GRIP1: variants seen among roughly 807,000 people sequenced by gnomAD.
GRIP1 encodes the protein glutamate receptor-interacting protein 1.
GRIP1 carries 45 observed loss-of-function variants against 129.9 expected under a neutral mutation model. The ratio of observed to expected loss-of-function variants is 0.35; its 90% CI spans 0.27 to 0.44. The LOEUF is 0.44. GRIP1 is among the 20% of genes least tolerant of loss of function. GRIP1 has a pLI of 1.00. For synonymous variants in GRIP1, 530 were observed against 520.8 expected, an observed-to-expected ratio of 1.02 and a Z score of -0.24; for missense variants, 1,196 against 1,396.8, an observed-to-expected ratio of 0.86 and a Z score of 2.29.
intron 1 of GRIP1, among the ~76,000 whole-genome samples, chr12:66,795,538 T>C (rs1340168730): frequency 2.0e-5 from 3 of 152,188 alleles, no homozygotes; most frequent in Non-Finnish European, 4.4e-5. Context: ...AAAACAGGAA[T>C]TTCATCTTAC....
rs1022425910 is a variant in GRIP1, at chr12:66,348,295, T to G, written c.*724A>C. 6.6e-6 allele frequency: 1 copy of G among 152,078 alleles called. No individual in the cohort carries two copies. The highest frequency in any genetic ancestry group is 2.1e-4 in the South Asian group (1 of 4,824). The allele number at this position is 152,078 out of a possible 1,614,324, so 9.4% of individuals were successfully genotyped here. A position where few individuals can be genotyped will look rare whatever the true frequency, so the allele number is the denominator to read the frequency against. ...ACTAATTCTCATGTTTACTACACAC[T>G]CTAATTCATTATCAGAGATTTTCAG... On this transcript the variant is annotated 3_prime_UTR_variant, in exon 25 of 25. Coordinates refer to ENST00000359742, the MANE Select transcript of GRIP1 (RefSeq NM_001366722.1).
chr12:66,678,861 C>A lies in GRIP1; in HGVS notation c.44G>T (p.Arg15Leu). Residue 15 changes from arginine to leucine, a missense_variant, in exon 1 of 25, where the codon CGA (arginine) becomes CTA (leucine). Physicochemically the swap from Arg to Leu is moderately radical, Grantham distance 102. Around this residue, in one of 5 missense-constraint regions of GRIP1, gnomAD observed 217 missense variants for 224.8 expected, o/e 0.97. Coordinates refer to ENST00000359742, the MANE Select transcript of GRIP1 (RefSeq NM_001366722.1). Reference protein sequence around the residue: ...SFKCRCQILRRLTKDESPYTK... With the variant: ...SFKCRCQILRLLTKDESPYTK... Reference sequence around the variant, plus strand: ...GGAAAGCACGATACCTTTAGTAAGTCGCCTCAGAATTTGACAACGGCATTT... The same window carrying A: ...GGAAAGCACGATACCTTTAGTAAGTAGCCTCAGAATTTGACAACGGCATTT... 1.2e-6 allele frequency: 2 copies of A among 1,613,310 alleles called. No homozygotes were observed. The highest frequency in any genetic ancestry group is 1.1e-5 in the South Asian group (1 of 91,058).
intron 1 of GRIP1, among the ~76,000 whole-genome samples, chr12:66,940,105 T>A (rs1282939491): frequency 6.6e-6 from 1 of 152,094 alleles, no homozygotes; most frequent in Non-Finnish European, 1.5e-5. Context: ...AATCATCTCT[T>A]CAATGGCACC....
chr12:66,940,295 C>T (rs1466504315), intron 1 of GRIP1, among the ~76,000 whole-genome samples: 1 of 152,102 alleles, frequency 6.6e-6, no homozygotes, highest in Admixed American at 6.5e-5. Context: ...GAACTTCAAT[C>T]TCATCACCAA....
At chr12:66,684,641 T>C (rs558643831) in intron 1 of GRIP1, among the ~76,000 whole-genome samples, 5 of 152,222 alleles carry the variant, frequency 3.3e-5, no homozygotes, top group Admixed American at 2.0e-4. Flanking sequence ...GGTCAGGAGT[T>C]CAAGACCAGT....
chr12:66,529,175 C>G (rs1456400798), intron 5 of GRIP1, among the ~76,000 whole-genome samples: 1 of 152,104 alleles, frequency 6.6e-6, no homozygotes, highest in East Asian at 1.9e-4. Context: ...AAAGGGAACA[C>G]TTCTACACTG....
intron 16 of GRIP1, among the ~76,000 whole-genome samples, chr12:66,397,329 T>C (rs997470725): frequency 2.0e-5 from 3 of 151,522 alleles, no homozygotes; most frequent in African/African-American, 7.3e-5. Context: ...CTGGCCAACA[T>C]GTCCAAAACC....
intron 1 of GRIP1, among the ~76,000 whole-genome samples, chr12:66,645,387 A>G (rs955094828): frequency 6.6e-6 from 1 of 151,964 alleles, no homozygotes; most frequent in Non-Finnish European, 1.5e-5. Context: ...GACCTTATAC[A>G]TGCAACAATT....
At chr12:66,879,455 T>C (rs2040437028) in intron 1 of GRIP1, among the ~76,000 whole-genome samples, 1 of 152,072 alleles carries the variant, frequency 6.6e-6, no homozygotes, top group Non-Finnish European at 1.5e-5. Flanking sequence ...GCACAGAGAC[T>C]ACGTAATTTG....
intron 1 of GRIP1, among the ~76,000 whole-genome samples, chr12:66,928,941 GT>G (rs1192293795): frequency 6.6e-6 from 1 of 152,162 alleles, no homozygotes; most frequent in East Asian, 1.9e-4. Context: ...CCAAGTGCAA[GT>G]GTACATCTCC....
At chr12:66,488,982 G>T (rs1240227223) in intron 7 of GRIP1, among the ~76,000 whole-genome samples, 2 of 152,070 alleles carry the variant, frequency 1.3e-5, no homozygotes, top group Admixed American at 6.6e-5. Context: ...GTAATAAATA[G>T]CCTACCAACC....
chr12:66,625,717 C>A (rs890040115), intron 1 of GRIP1, among the ~76,000 whole-genome samples: 1 of 152,004 alleles, frequency 6.6e-6, no homozygotes, highest in Non-Finnish European at 1.5e-5. Flanking sequence ...TTAAATGGAG[C>A]TTCCAAAAAG....
intron 1 of GRIP1, among the ~76,000 whole-genome samples, chr12:66,777,795 GTTTGAC>G (rs754935963): frequency 5.9e-5 from 9 of 152,160 alleles, no homozygotes; most frequent in Non-Finnish European, 1.0e-4. Flanking sequence ...AAGAAATTGT[GTTTGAC>G]TTTGAGAAGA....
At chr12:66,426,274 A>C (rs558569413) in intron 14 of GRIP1, among the ~76,000 whole-genome samples, 236 of 152,166 alleles carry the variant, frequency 1.6e-3, no homozygotes, top group Middle Eastern at 3.4e-3. Context: ...TATTACTTGG[A>C]TGTTGTGTCA....
chr12:66,432,651 T>C (rs1373527232), intron 13 of GRIP1, 23 bp from the exon 14 acceptor site: 3 of 1,364,420 alleles, frequency 2.2e-6, no homozygotes, highest in Non-Finnish European at 3.1e-6. Flanking sequence ...CAAAAAAGAA[T>C]GTGTTAATAG....
At chr12:66,527,122 T>C (rs1379399456) in intron 5 of GRIP1, among the ~76,000 whole-genome samples, 1 of 147,176 alleles carries the variant, frequency 6.8e-6, no homozygotes, top group Non-Finnish European at 1.5e-5. Flanking sequence ...GTGTGGCGAT[T>C]CCTCAGGGAT....
At chr12:66,544,402 C>G (rs1326054952) in intron 2 of GRIP1, among the ~76,000 whole-genome samples, 3 of 152,130 alleles carry the variant, frequency 2.0e-5, no homozygotes, top group African/African-American at 7.2e-5. Flanking sequence ...ACAGCCTAGT[C>G]AAAGAGGCAA....
At chr12:66,412,552 C>T (rs898676202) in intron 15 of GRIP1, among the ~76,000 whole-genome samples, 1 of 152,158 alleles carries the variant, frequency 6.6e-6, no homozygotes, top group African/African-American at 2.4e-5. Flanking sequence ...AGACCAGTGA[C>T]ACTATGAAGC....
chr12:67,057,349 C>A (rs2043454753), intron 1 of GRIP1, among the ~76,000 whole-genome samples: 1 of 150,044 alleles, frequency 6.7e-6, no homozygotes, highest in Admixed American at 6.7e-5. Context: ...TGTGAGCACA[C>A]AGCAAGAAGA....
Sources: allele counts gnomAD v4.1 joint callset (sites outside exome capture counted in the v4.1 genomes callset), GRCh38; gene constraint gnomAD v4.1.1; regional missense constraint gnomAD v4.1.1; transcripts MANE v1.5; gene names NCBI Gene and HGNC (gene_info 2026-07-23, HGNC 2026-07-21).